The following WDR5 variants were observed in gnomAD, a reference collection of about 807,000 sequenced individuals.
WDR5 encodes the protein WD repeat-containing protein 5.
For synonymous variants in WDR5, 144 were observed against 161.6 expected, an observed-to-expected ratio of 0.89 and a Z score of 0.83; for missense variants, 187 against 416.9, an observed-to-expected ratio of 0.45 and a Z score of 4.80.
intron 3 of WDR5, 101 bp from the exon 4 acceptor site, chr9:134,141,409 G>C: frequency 2.6e-6 from 3 of 1,149,202 alleles, no homozygotes; most frequent in Non-Finnish European, 3.9e-6. Flanking sequence ...GGTTCATGCT[G>C]ATCACCTGGG....
At chr9:134,144,128 G>A (rs1832046248) in intron 7 of WDR5, among the ~76,000 whole-genome samples, 1 of 152,268 alleles carries the variant, frequency 6.6e-6, no homozygotes. Flanking sequence ...GATACTGCCC[G>A]GACGGACAGT....
intron 9 of WDR5, among the ~76,000 whole-genome samples, chr9:134,153,109 C>T (rs1316557015): frequency 6.6e-6 from 1 of 152,222 alleles, no homozygotes; most frequent in Non-Finnish European, 1.5e-5. Context: ...CCATGCATCT[C>T]TCCTGATTGA....
At chr9:134,136,698 C>G (rs773130651) in intron 1 of WDR5, among the ~76,000 whole-genome samples, 2 of 152,186 alleles carry the variant, frequency 1.3e-5, no homozygotes, top group African/African-American at 2.4e-5. Flanking sequence ...GGTGCGGGTC[C>G]TCGGTCCTGA....
At chr9:134,155,794 C>G in intron 12 of WDR5, 27 bp downstream of exon 12, 1 of 1,607,286 alleles carries the variant, frequency 6.2e-7, no homozygotes. Context: ...TGAAGCGTCT[C>G]ACCTGTTCCC....
chr9:134,155,652 G>A, intron 11 of WDR5, 41 bp from the exon 12 acceptor site: 2 of 1,593,412 alleles, frequency 1.3e-6, no homozygotes, highest in Non-Finnish European at 1.7e-6. Context: ...AAATCAAGGG[G>A]AACCATGACT....
At chr9:134,135,980 T>C (rs1831516303), upstream of WDR5, 1 of 151,842 alleles carries the variant, frequency 6.6e-6, no homozygotes, top group Non-Finnish European at 1.5e-5. Flanking sequence ...CCCGAGGCAT[T>C]CTGGCCGCTG....
rs369633995 is a variant in WDR5, at chr9:134,148,372, C to T, written c.584+29C>T. 2.8e-5 allele frequency: 45 copies of T among 1,598,328 alleles called. No individual in the cohort carries two copies. The African/African-American group carries it at 2.8e-4, about 10-fold the overall frequency. ...AGTGAAAACATTTTACTTCATGAAGCGATGAGTGCTTAACTAAGGGCCAGC... is the reference window on the plus strand; with the variant it reads ...AGTGAAAACATTTTACTTCATGAAGTGATGAGTGCTTAACTAAGGGCCAGC... On this transcript the variant is annotated intron_variant, in intron 8 of 13. Coordinates refer to ENST00000358625, the MANE Select transcript of WDR5 (RefSeq NM_017588.3).
intron 8 of WDR5, among the ~76,000 whole-genome samples, chr9:134,150,255 C>A (rs1304069590): frequency 2.6e-5 from 4 of 152,164 alleles, no homozygotes; most frequent in Non-Finnish European, 5.9e-5. Flanking sequence ...GGAATTCATT[C>A]ATTATTGGAT....
intron 1 of WDR5, among the ~76,000 whole-genome samples, chr9:134,139,225 C>T (rs1026405498): frequency 1.1e-4 from 17 of 152,262 alleles, no homozygotes; most frequent in African/African-American, 2.4e-4. Context: ...ACTGAGTGCG[C>T]GAGCCCTGTG....
At chr9:134,148,448 T>C (rs766780958) in intron 8 of WDR5, 105 bp downstream of exon 8, 9 of 1,008,230 alleles carry the variant, frequency 8.9e-6, no homozygotes, top group Non-Finnish European at 1.3e-5. Context: ...AAGACCCAAG[T>C]CCTTAATTTC....
chr9:134,136,504 G>C (rs939929983), intron 1 of WDR5, among the ~76,000 whole-genome samples: 1 of 152,090 alleles, frequency 6.6e-6, no homozygotes, highest in Non-Finnish European at 1.5e-5. Flanking sequence ...CGCAGGCAGC[G>C]TGCCCGGCCT....
At position 134,155,381 on chromosome 9, in the gene WDR5, C is replaced by T. The variant is rs759391303; in HGVS notation, c.741+8C>T. On this transcript the variant is annotated splice_region_variant and intron_variant, in intron 11 of 13. Coordinates refer to ENST00000358625, the MANE Select transcript of WDR5 (RefSeq NM_017588.3). ...GACTACAGCAAGGGGAAGGTGAGCC[C>T]CCGCAGGCTTGGGCCCCCATGGTGC... is the stretch of plus-strand genomic sequence containing the variant. 4 of 1,603,028 alleles carry T rather than the reference C, an allele frequency of 2.5e-6. No individual in the cohort carries two copies. The highest frequency in any genetic ancestry group is 1.1e-5 in the South Asian group (1 of 89,414).
At chr9:134,142,760 C>T (rs780723438) in intron 7 of WDR5, 41 bp downstream of exon 7, 21 of 1,597,662 alleles carry the variant, frequency 1.3e-5, no homozygotes, top group East Asian at 2.2e-5. Context: ...TCCAGCACTA[C>T]GTTTCTCTGA....
rs72766689 is a variant in WDR5 at position 134,158,536 on chromosome 9, G to A, written c.*543G>A. The stretch of plus-strand genomic sequence containing the variant: ...TCTTTCTGGAAAACAGCATTGAGTG[G>A]TTGTTTTCTGTGTAAAGAGCCGTTT... On this transcript the variant is annotated 3_prime_UTR_variant, in exon 14 of 14. Coordinates refer to ENST00000358625, the MANE Select transcript of WDR5 (RefSeq NM_017588.3). The A allele has an allele frequency of 0.032, 4,906 of 152,624 alleles. 95 individuals are homozygous for A. Among genetic ancestry groups the A allele is most frequent in the Middle Eastern group, 0.071 (21 of 294 alleles). 9.5% of individuals were successfully genotyped at this position (152,624 alleles called of 1,614,324 possible). A position where few individuals can be genotyped will look rare whatever the true frequency, so the allele number is the denominator to read the frequency against.
At position 134,157,852 on chromosome 9, in the gene WDR5, C is replaced by T. The variant is rs757309299; in HGVS notation, c.905-41C>T. 2.3e-5 allele frequency: 36 copies of T among 1,595,326 alleles called. No homozygotes were observed. In the Admixed American group the frequency reaches 2.7e-4, roughly 12 times the overall value. On this transcript the variant is annotated intron_variant, in intron 13 of 13. Transcript: ENST00000358625. This position sits in a 1 kb window ranked among gnomAD's most constrained non-coding sequence, Gnocchi z 5.0. ...TCTGGGATGGCGTCCCCGACCCAGGCGCAGGGATGGCTCTGGTTCTGACTG... is the reference window on the plus strand; with the variant it reads ...TCTGGGATGGCGTCCCCGACCCAGGTGCAGGGATGGCTCTGGTTCTGACTG...
chr9:134,138,217 T>C (rs1325101806), intron 1 of WDR5, among the ~76,000 whole-genome samples: 1 of 152,226 alleles, frequency 6.6e-6, no homozygotes, highest in Non-Finnish European at 1.5e-5. Flanking sequence ...GCGTCTAGAC[T>C]CACCCAGGTG....
chr9:134,146,248 T>A (rs1325970343), intron 7 of WDR5, among the ~76,000 whole-genome samples: 2 of 150,702 alleles, frequency 1.3e-5, no homozygotes, highest in Admixed American at 1.3e-4. Flanking sequence ...TCTTTTTTTT[T>A]TTTTGAGACA....
chr9:134,156,627 C>G, intron 13 of WDR5, 34 bp downstream of exon 13: 1 of 1,600,936 alleles, frequency 6.2e-7, no homozygotes, highest in Non-Finnish European at 8.6e-7. Flanking sequence ...CACTGGCTGC[C>G]TGTTGATGTG....
intron 2 of WDR5, among the ~76,000 whole-genome samples, 153 bp from the exon 3 acceptor site, chr9:134,140,550 T>C (rs926324616): frequency 6.6e-6 from 1 of 152,200 alleles, no homozygotes; most frequent in Non-Finnish European, 1.5e-5. Context: ...TGAAAGGTAC[T>C]GTCCACATAG....
Sources: gnomAD v4.1 joint callset for allele counts (sites outside exome capture counted in the v4.1 genomes callset) on GRCh38, gnomAD v4.1.1 for gene constraint, Gnocchi (gnomAD v3.1) non-coding constraint, MANE v1.5 for transcripts, NCBI Gene and HGNC (gene_info 2026-07-23, HGNC 2026-07-21) for gene names.